Variants in RIC1 observed in about 807,000 individuals in gnomAD.
RIC1 encodes the protein guanine nucleotide exchange factor subunit RIC1.
RIC1 carries 88 observed loss-of-function variants against 169.0 expected under a neutral mutation model. The ratio of observed to expected loss-of-function variants is 0.52; its 90% CI spans 0.44 to 0.62. RIC1 has a LOEUF of 0.62. RIC1 is among the 20% of genes least tolerant of loss of function. The probability of loss-of-function intolerance (pLI) is 0.00; values close to 1 mark genes in which losing one functional copy is unlikely to be tolerated. For synonymous variants in RIC1, 790 were observed against 601.5 expected, an observed-to-expected ratio of 1.31 and a Z score of -4.59; for missense variants, 1,877 against 1,725.5, an observed-to-expected ratio of 1.09 and a Z score of -1.56.
At chr9:5,777,240 T>C (rs147268851), downstream of RIC1, among the ~76,000 whole-genome samples, 1 of 152,226 alleles carries the variant, frequency 6.6e-6, no homozygotes, top group African/African-American at 2.4e-5. Context: ...CTCTTTTATG[T>C]ACATATAAAT....
At chr9:5,677,816 A>G (rs1160797328) in intron 2 of RIC1, among the ~76,000 whole-genome samples, 1 of 152,104 alleles carries the variant, frequency 6.6e-6, no homozygotes, top group Non-Finnish European at 1.5e-5. Context: ...CCACTGAACA[A>G]ACATTTTTCT....
intron 3 of RIC1, among the ~76,000 whole-genome samples, chr9:5,708,080 G>T (rs1477504724): frequency 6.6e-6 from 1 of 151,694 alleles, no homozygotes; most frequent in Non-Finnish European, 1.5e-5. Context: ...AGTTATTAAT[G>T]GTTACCTTGG....
chr9:5,726,584 G>C (rs1467621579), intron 6 of RIC1, among the ~76,000 whole-genome samples: 3 of 152,158 alleles, frequency 2.0e-5, no homozygotes, highest in Admixed American at 1.3e-4. Context: ...GTGTGAATTT[G>C]ATCCTGTCAT....
Position 5,656,614 on chromosome 9 carries a change from C to T in RIC1, c.176C>T (p.Pro59Leu), listed in dbSNP as rs769270863. Residue 59 changes from proline to leucine, a missense_variant, in exon 2 of 26, where the codon CCT becomes CTT. Coordinates refer to ENST00000414202, the MANE Select transcript of RIC1 (RefSeq NM_020829.4). ...GTGTTAATTGTAACCTACAAGGAGC[C>T]TGCAAAATCATCTACTCAGTTTGGA... is the stretch of plus-strand genomic sequence containing the variant. ...PSVLIVTYKEPAKSSTQFGSY... is the reference protein window; with the variant it reads ...PSVLIVTYKELAKSSTQFGSY... 1.9e-6 allele frequency: 3 copies of T among 1,605,762 alleles called. No homozygotes were observed. In the South Asian group the frequency reaches 3.3e-5, roughly 18 times the overall value.
intron 17 of RIC1, among the ~76,000 whole-genome samples, chr9:5,761,598 G>A (rs534198986): frequency 6.6e-6 from 1 of 152,186 alleles, no homozygotes; most frequent in East Asian, 1.9e-4. Context: ...TTCTATCAGT[G>A]ATAATAACTT....
At chr9:5,678,059 C>G (rs920165642) in intron 2 of RIC1, among the ~76,000 whole-genome samples, 13 of 150,992 alleles carry the variant, frequency 8.6e-5, no homozygotes, top group African/African-American at 2.7e-4. Context: ...CATGTGTTCT[C>G]ATTGTTCAAT....
At chr9:5,656,842 G>T in intron 2 of RIC1, 152 bp downstream of exon 2, 2 of 525,692 alleles carry the variant, frequency 3.8e-6, no homozygotes, top group Non-Finnish European at 3.4e-6. Context: ...TATTCTATGT[G>T]GATTACTCCT....
chr9:5,755,575 T>C (rs908113430), intron 15 of RIC1, among the ~76,000 whole-genome samples: 2 of 152,206 alleles, frequency 1.3e-5, no homozygotes, highest in Non-Finnish European at 2.9e-5. Context: ...GAGACTACTG[T>C]ATCTGGTTTT....
chr9:5,756,776 G>C (rs1249885283), intron 16 of RIC1, among the ~76,000 whole-genome samples: 1 of 152,172 alleles, frequency 6.6e-6, no homozygotes, highest in African/African-American at 2.4e-5. Flanking sequence ...TATTTCCACT[G>C]AGCTAGATGG....
chr9:5,761,196 C>G (rs1278627553), intron 17 of RIC1, among the ~76,000 whole-genome samples: 2 of 148,278 alleles, frequency 1.3e-5, no homozygotes, highest in African/African-American at 2.5e-5. Context: ...TCACTGCAGC[C>G]TCCGTCTCCC....
Position 5,720,480 on chromosome 9 carries a change from A to G in RIC1, c.584-134A>G, listed in dbSNP as rs1245576793. On this transcript the variant is annotated intron_variant, in intron 5 of 25. Transcript: ENST00000414202. ...GGGTGAGAGAGGCATTTAATAGGAA[A>G]GGACAGTTTAATTATTTAGGGTTGT... 8.7e-6 allele frequency: 10 copies of G among 1,146,984 alleles called. No homozygotes were observed. In the East Asian group the frequency reaches 2.2e-4, roughly 25 times the overall value. 71.1% of individuals were successfully genotyped at this position (1,146,984 alleles called of 1,614,324 possible).
chr9:5,657,971 C>G (rs182463839), intron 2 of RIC1, among the ~76,000 whole-genome samples: 2 of 152,208 alleles, frequency 1.3e-5, no homozygotes, highest in East Asian at 3.9e-4. Flanking sequence ...TTCTTTCAAG[C>G]TACAATAGCA....
intron 21 of RIC1, 46 bp from the exon 22 acceptor site, chr9:5,768,924 C>T (rs761252922): frequency 6.8e-5 from 105 of 1,553,150 alleles, no homozygotes; most frequent in Non-Finnish European, 8.7e-5. Flanking sequence ...ATGTGAAATC[C>T]TCCAGTAAAG....
At chr9:5,718,188 G>A (rs1177379588) in intron 4 of RIC1, among the ~76,000 whole-genome samples, 2 of 146,012 alleles carry the variant, frequency 1.4e-5, no homozygotes, top group Non-Finnish European at 3.0e-5. Flanking sequence ...GCTTATATAG[G>A]TGGAAAATAA....
chr9:5,680,920 G>A (rs1438339856), intron 2 of RIC1, among the ~76,000 whole-genome samples: 6 of 133,896 alleles, frequency 4.5e-5, no homozygotes, highest in Admixed American at 8.6e-5. Context: ...TCCGCCTCCC[G>A]GGTTCACGCC....
At chr9:5,680,984 G>A (rs531471184) in intron 2 of RIC1, among the ~76,000 whole-genome samples, 163 of 150,224 alleles carry the variant, frequency 1.1e-3, no homozygotes, top group Non-Finnish European at 1.9e-3. Context: ...CCGCTACCAC[G>A]CCCGGCTAAT....
chr9:5,678,701 T>G (rs1316894968), intron 2 of RIC1, among the ~76,000 whole-genome samples: 2 of 152,246 alleles, frequency 1.3e-5, no homozygotes, highest in Non-Finnish European at 2.9e-5. Context: ...GGTTGTTTTT[T>G]TCTTGTAAAT....
chr9:5,662,856 G>C (rs1349102612), intron 2 of RIC1, among the ~76,000 whole-genome samples: 1 of 151,968 alleles, frequency 6.6e-6, no homozygotes, highest in Non-Finnish European at 1.5e-5. Context: ...TCTGATCTTG[G>C]TTATATCTTG....
chr9:5,756,449 A>G (rs144290958), intron 16 of RIC1, 77 bp downstream of exon 16: 4 of 992,742 alleles, frequency 4.0e-6, no homozygotes, highest in Admixed American at 6.0e-5. Context: ...TGTTTTCTCA[A>G]AACAGTTATT....
Sources: allele counts gnomAD v4.1 joint callset (sites outside exome capture counted in the v4.1 genomes callset), GRCh38; gene constraint gnomAD v4.1.1; transcripts MANE v1.5; gene names NCBI Gene and HGNC (gene_info 2026-07-23, HGNC 2026-07-21).